Variants in TRDMT1 observed in about 807,000 individuals in gnomAD.
TRDMT1 encodes tRNA (cytosine(38)-C(5))-methyltransferase.
A neutral mutation model predicts 51.2 loss-of-function variants in TRDMT1; 49 were observed. The ratio of observed to expected loss-of-function variants is 0.96; its 90% CI spans 0.76 to 1.21. The LOEUF is 1.21. TRDMT1 is among the 50% of genes most tolerant of loss of function. The pLI, the probability that TRDMT1 is intolerant of heterozygous loss-of-function variation, is 0.00. For synonymous variants in TRDMT1, 187 were observed against 164.6 expected, an observed-to-expected ratio of 1.14 and a Z score of -1.04; for missense variants, 534 against 462.3, an observed-to-expected ratio of 1.16 and a Z score of -1.42.
intron 10 of TRDMT1, chr10:17,152,104 A>G (rs1838819096): frequency 7.7e-7 from 1 of 1,295,562 alleles, no homozygotes; most frequent in African/African-American, 1.5e-5. Context: ...GCTCATCTGA[A>G]AAAAGGAAAA....
intron 1 of TRDMT1, among the ~76,000 whole-genome samples, chr10:17,186,558 A>G (rs1402924606): frequency 1.3e-5 from 2 of 152,196 alleles, no homozygotes; most frequent in Admixed American, 6.5e-5. Flanking sequence ...TAGAACCTCC[A>G]GAAGGAATGC....
At chr10:17,174,487 A>T in intron 2 of TRDMT1, 64 bp downstream of exon 2, 1 of 1,114,746 alleles carries the variant, frequency 9.0e-7, no homozygotes, top group Non-Finnish European at 1.4e-6. Flanking sequence ...AACCAGTATT[A>T]GGCAGTGTTT....
At position 17,157,703 on chromosome 10, in the gene TRDMT1, T is replaced by C. The variant is rs762577958; in HGVS notation, c.625A>G (p.Asn209Asp). ...TCAAAGCTAATATTTGGTTCAACGT[T>C]CTTTTCTTGAATTTTATTTTCTACA... The part of the protein sequence containing the change: ...MDVENKIQEK[N>D]VEPNISFDGS... Residue 209 changes from asparagine to aspartate, a missense_variant, in exon 8 of 11, where the codon AAC becomes GAC. Coordinates refer to ENST00000377799, the MANE Select transcript of TRDMT1 (RefSeq NM_004412.7). 2 of 1,612,380 alleles carry C rather than the reference T, an allele frequency of 1.2e-6. No homozygotes were observed. The highest frequency in any genetic ancestry group is 1.7e-5 in the Admixed American group (1 of 59,864).
rs1838040239 is a variant in TRDMT1 at position 17,145,642 on chromosome 10, A to C, written c.*3398T>G. On this transcript the variant is annotated 3_prime_UTR_variant, in exon 11 of 11. Coordinates refer to ENST00000377799, the MANE Select transcript of TRDMT1 (RefSeq NM_004412.7). Reference sequence around the variant, plus strand: ...AACCTGTTCATAACATAAGCAATTCAGGAAAACCCACTTTAATCTCTTTGT... The same window carrying C: ...AACCTGTTCATAACATAAGCAATTCCGGAAAACCCACTTTAATCTCTTTGT... 1 of 985,450 alleles carries C rather than the reference A, an allele frequency of 1.0e-6. No homozygotes were observed. Among genetic ancestry groups the C allele is most frequent in the Non-Finnish European group, 1.2e-6 (1 of 829,930 alleles). 61.0% of individuals were successfully genotyped at this position (985,450 alleles called of 1,614,324 possible). A position where few individuals can be genotyped will look rare whatever the true frequency, so the allele number is the denominator to read the frequency against.
At chr10:17,192,130 T>G (rs906142959) in intron 1 of TRDMT1, among the ~76,000 whole-genome samples, 2 of 151,896 alleles carry the variant, frequency 1.3e-5, no homozygotes. Context: ...GTGGTAAAGG[T>G]GAAAATGGAG....
chr10:17,175,248 C>T (rs1277107379), intron 1 of TRDMT1, among the ~76,000 whole-genome samples: 2 of 151,818 alleles, frequency 1.3e-5, no homozygotes, highest in East Asian at 3.9e-4. Context: ...GTTCATTTAC[C>T]AACATTTTAA....
rs1846183393 is a variant in TRDMT1, at chr10:17,201,559, A to G, written c.64+12T>C. ...GAGCGAATAGAGAGAGGGGTGCTAG[A>G]TGGACTCTCACCTCTCAGCGCGTGG... On this transcript the variant is annotated intron_variant, in intron 1 of 10. Transcript: ENST00000377799. 6.5e-7 allele frequency: 1 copy of G among 1,548,910 alleles called. No homozygotes were observed.
chr10:17,167,080 T>C (rs1210808944), intron 3 of TRDMT1, among the ~76,000 whole-genome samples: 2 of 152,358 alleles, frequency 1.3e-5, no homozygotes, highest in East Asian at 3.9e-4. Flanking sequence ...GCTTATAAGA[T>C]AATTTAAGAT....
intron 7 of TRDMT1, among the ~76,000 whole-genome samples, chr10:17,158,268 A>G (rs1278293975): frequency 6.6e-6 from 1 of 152,170 alleles, no homozygotes; most frequent in Non-Finnish European, 1.5e-5. Context: ...TCTACTCATG[A>G]GTCCTATGGG....
In TRDMT1 at chr10:17,147,075, A is replaced by G. The variant is rs1838180458; in HGVS notation, c.*1965T>C. The G allele has an allele frequency of 1.0e-6, 1 of 985,638 alleles. No individual in the cohort carries two copies. Among genetic ancestry groups the G allele is most frequent in the African/African-American group, 1.7e-5 (1 of 57,228 alleles). The allele number at this position is 985,638 out of a possible 1,614,324, so 61.1% of individuals were successfully genotyped here. A position where few individuals can be genotyped will look rare whatever the true frequency, so the allele number is the denominator to read the frequency against. ...TATAGTTGGTGCACAGTAACTCGACACTTATTTTGTATAATGTTGCTCAAC... is the reference window on the plus strand; with the variant it reads ...TATAGTTGGTGCACAGTAACTCGACGCTTATTTTGTATAATGTTGCTCAAC... On this transcript the variant is annotated 3_prime_UTR_variant, in exon 11 of 11. Transcript: ENST00000377799.
At chr10:17,162,118 TG>T in intron 4 of TRDMT1, 47 bp downstream of exon 4, 3 of 1,500,772 alleles carry the variant, frequency 2.0e-6, no homozygotes, top group Non-Finnish European at 2.8e-6. Flanking sequence ...CTTCCAGACC[TG>T]GAGTTTCAAA....
intron 2 of TRDMT1, 108 bp downstream of exon 2, chr10:17,174,443 T>C: frequency 1.5e-6 from 1 of 676,254 alleles, no homozygotes; most frequent in East Asian, 2.9e-5. Context: ...CTCTTAAATT[T>C]ATATATGCTT....
chr10:17,171,456 G>C (rs1050791859), intron 2 of TRDMT1: 1 of 152,136 alleles, frequency 6.6e-6, no homozygotes, highest in African/African-American at 2.4e-5. Flanking sequence ...ATGGAACCGA[G>C]AGAGTGGCAT....
At chr10:17,183,909 C>T (rs1027171239) in intron 1 of TRDMT1, among the ~76,000 whole-genome samples, 4 of 152,154 alleles carry the variant, frequency 2.6e-5, no homozygotes, top group African/African-American at 9.7e-5. Flanking sequence ...CAGGCACATA[C>T]ACACCAGTAA....
chr10:17,168,836 C>T lies in TRDMT1; in HGVS notation c.251+5G>A. The T allele has an allele frequency of 2.5e-6, 4 of 1,599,678 alleles. No homozygotes were observed. Among genetic ancestry groups the T allele is most frequent in the Non-Finnish European group, 3.4e-6 (4 of 1,168,262 alleles). ...ATACAACACTGAAATATTTATGACA[C>T]ATACCTTGTGAATGGCTGGCAGGGA... On this transcript the variant is annotated splice_donor_5th_base_variant and intron_variant, in intron 3 of 10. Transcript: ENST00000377799.
At chr10:17,157,356 T>G in intron 8 of TRDMT1, 85 bp downstream of exon 8, 2 of 1,288,684 alleles carry the variant, frequency 1.6e-6, no homozygotes, top group Non-Finnish European at 2.1e-6. Flanking sequence ...AAAATGCTCC[T>G]TGTTTTTAGA....
chr10:17,168,010 A>C (rs1306276603), intron 3 of TRDMT1, among the ~76,000 whole-genome samples: 4 of 152,138 alleles, frequency 2.6e-5, no homozygotes, highest in Admixed American at 2.6e-4. Context: ...CTTAATTATA[A>C]ATATGAATGG....
At position 17,145,586 on chromosome 10, in the gene TRDMT1, T is replaced by A. The variant is rs990723163; in HGVS notation, c.*3454A>T. 7.1e-6 allele frequency: 7 copies of A among 985,318 alleles called. No homozygotes were observed. Among genetic ancestry groups the A allele is most frequent in the Middle Eastern group, 5.2e-4 (1 of 1,936 alleles). The allele number at this position is 985,318 out of a possible 1,614,324, so 61.0% of individuals were successfully genotyped here. On this transcript the variant is annotated 3_prime_UTR_variant, in exon 11 of 11. Transcript: ENST00000377799. ...AACTGGTGGCCTAAAACAGTTAGAA[T>A]CCCAAGCCGAAGGCCAAATTATGAC...
chr10:17,148,367 CA>C lies in TRDMT1; in HGVS notation c.*672del, dbSNP rs1463567016. 2.0e-6 allele frequency: 2 copies of C among 985,236 alleles called. No homozygotes were observed. The allele number at this position is 985,236 out of a possible 1,614,324, so 61.0% of individuals were successfully genotyped here. Reference sequence around the variant, plus strand: ...GATAATAGTCAACTAAAGGAAAGTACATACAAAATGAAGAAGGAAAAATGAG... The same window carrying C: ...GATAATAGTCAACTAAAGGAAAGTACTACAAAATGAAGAAGGAAAAATGAG... On this transcript the variant is annotated 3_prime_UTR_variant, in exon 11 of 11. Coordinates refer to ENST00000377799, the MANE Select transcript of TRDMT1 (RefSeq NM_004412.7).
Sources: gnomAD v4.1 joint callset for allele counts (sites outside exome capture counted in the v4.1 genomes callset) on GRCh38, gnomAD v4.1.1 for gene constraint, MANE v1.5 for transcripts, NCBI Gene and HGNC (gene_info 2026-07-23, HGNC 2026-07-21) for gene names.